The following SEMA4B variants were observed in gnomAD, a reference collection of about 807,000 sequenced individuals.
SEMA4B encodes semaphorin-4B.
A neutral mutation model predicts 88.1 loss-of-function variants in SEMA4B; 55 were observed. The ratio of observed to expected loss-of-function variants is 0.62; its 90% CI spans 0.50 to 0.78. The LOEUF (loss-of-function observed/expected upper bound fraction) is 0.78, where lower values mean the gene tolerates loss of function less well. Ranked by LOEUF, SEMA4B falls within the 30% of genes least tolerant of loss-of-function variation. SEMA4B has a pLI of 0.00. For synonymous variants in SEMA4B, 525 were observed against 473.6 expected (o/e 1.11, Z -1.41); for missense variants, 1,062 against 1,111.9 (o/e 0.96, Z 0.64).
chr15:90,192,771 A>G (rs548169850), intron 1 of SEMA4B, among the ~76,000 whole-genome samples: 39 of 151,970 alleles, frequency 2.6e-4, no homozygotes, highest in Admixed American at 8.5e-4. Flanking sequence ...TTGTACTTTT[A>G]GTAGAGATGG....
At chr15:90,218,035 G>A (rs570182711) in intron 3 of SEMA4B, 2 of 529,834 alleles carry the variant, frequency 3.8e-6, no homozygotes, top group East Asian at 6.6e-5. Context: ...ACCTGTCTAA[G>A]CCTTAGTGGG....
intron 4 of SEMA4B, among the ~76,000 whole-genome samples, chr15:90,220,708 G>C (rs2151618975): frequency 6.7e-6 from 1 of 148,714 alleles, no homozygotes; most frequent in Middle Eastern, 3.4e-3. Flanking sequence ...CCTCCGCCAG[G>C]TGGGTCTGAT....
At chr15:90,214,328 CA>C (rs11289702) in intron 1 of SEMA4B, among the ~76,000 whole-genome samples, 41,051 of 89,100 alleles carry the variant, frequency 0.46, 8,197 homozygotes, top group African/African-American at 0.66. Context: ...AACTCCGTCT[CA>C]AAAAAAAAAA....
At chr15:90,201,005 C>T (rs528126576), upstream of SEMA4B, among the ~76,000 whole-genome samples, 6 of 152,326 alleles carry the variant, frequency 3.9e-5, no homozygotes, top group Admixed American at 1.3e-4. Context: ...ACCATCCGCC[C>T]CCTAACTCCC....
intron 1 of SEMA4B, among the ~76,000 whole-genome samples, chr15:90,196,075 A>G (rs907358319): frequency 1.3e-5 from 2 of 148,388 alleles, no homozygotes; most frequent in African/African-American, 5.0e-5. Flanking sequence ...GCCCGCCACC[A>G]TGCCTGGCTA....
At chr15:90,191,051 C>T (rs1232707375) in intron 1 of SEMA4B, among the ~76,000 whole-genome samples, 1 of 152,224 alleles carries the variant, frequency 6.6e-6, no homozygotes, top group African/African-American at 2.4e-5. Context: ...CTCCTGAACT[C>T]ATATTGGGGG....
At chr15:90,205,939 G>A (rs1402149090) in intron 1 of SEMA4B, among the ~76,000 whole-genome samples, 2 of 152,150 alleles carry the variant, frequency 1.3e-5, no homozygotes, top group Non-Finnish European at 2.9e-5. Flanking sequence ...CATGGGGCTG[G>A]ACCATGCCTC....
At position 90,228,035 on chromosome 15, in the gene SEMA4B, C is replaced by T. The variant is rs1962270320; in HGVS notation, c.1906C>T (p.His636Tyr). Reference sequence around the variant, plus strand: ...CCCCGTCAATGCCTCGGCCTCCTGCCACGTGCTACCCACTGGGGACCTGCT... The same window carrying T: ...CCCCGTCAATGCCTCGGCCTCCTGCTACGTGCTACCCACTGGGGACCTGCT... The part of the protein sequence containing the change: ...GAPVNASASC[H>Y]VLPTGDLLLV... Residue 636 changes from histidine to tyrosine, a missense_variant, in exon 14 of 14, where the codon CAC (histidine) becomes TAC (tyrosine). By Grantham distance (83) the His-to-Tyr change is moderately conservative. Coordinates refer to ENST00000411539, the MANE Select transcript of SEMA4B (RefSeq NM_198925.4). 4.3e-6 allele frequency: 7 copies of T among 1,613,902 alleles called. No homozygotes were observed. Among genetic ancestry groups the T allele is most frequent in the Non-Finnish European group, 5.9e-6 (7 of 1,179,880 alleles).
intron 13 of SEMA4B, 130 bp from the exon 14 acceptor site, chr15:90,227,774 A>G: frequency 2.0e-6 from 3 of 1,467,368 alleles, no homozygotes; most frequent in Non-Finnish European, 2.8e-6. Context: ...GGTCCCCAGG[A>G]AGACTCAGTC....
rs1404341462 is a variant in SEMA4B, at chr15:90,201,349, C to T, written c.-230C>T. On this transcript the variant is annotated 5_prime_UTR_variant, in exon 1 of 14. Transcript: ENST00000411539. ...TCCGCCGCTTGCGGGTGAGCTCTGC[C>T]CAAGCCGAGGCTGCGGGGCCGGCGC... The T allele has an allele frequency of 4.0e-6, 5 of 1,237,728 alleles. No individual in the cohort carries two copies. Among genetic ancestry groups the T allele is most frequent in the Admixed American group, 4.4e-5 (1 of 22,660 alleles). 76.7% of individuals were successfully genotyped at this position (1,237,728 alleles called of 1,614,324 possible). A position where few individuals can be genotyped will look rare whatever the true frequency, so the allele number is the denominator to read the frequency against.
rs541785840 is a variant in SEMA4B at position 90,221,303 on chromosome 15, G to T, written c.596-64G>T. The T allele has an allele frequency of 1.7e-5, 24 of 1,385,484 alleles. No homozygotes were observed. In the South Asian group the frequency reaches 2.5e-4, roughly 14 times the overall value. The allele number at this position is 1,385,484 out of a possible 1,614,324, so 85.8% of individuals were successfully genotyped here. A position where few individuals can be genotyped will look rare whatever the true frequency, so the allele number is the denominator to read the frequency against. Reference sequence around the variant, plus strand: ...ACGGGCAGTGCTGGGGTCACTCTGGGCCCTGAGCAGGGAGAAGGGGCCGTG... The same window carrying T: ...ACGGGCAGTGCTGGGGTCACTCTGGTCCCTGAGCAGGGAGAAGGGGCCGTG... On this transcript the variant is annotated intron_variant, in intron 5 of 13. Transcript: ENST00000411539.
rs765072685 is a variant in SEMA4B, at chr15:90,225,866, C to G, written c.1688+39C>G. On this transcript the variant is annotated intron_variant, in intron 12 of 13. Coordinates refer to ENST00000411539, the MANE Select transcript of SEMA4B (RefSeq NM_198925.4). The stretch of plus-strand genomic sequence containing the variant: ...AAGGCCCCTTCCCATCTGTCCAGCC[C>G]TGCACAGGTGACCTCGGAGCACCAT... 9 of 1,443,842 alleles carry G rather than the reference C, an allele frequency of 6.2e-6. No homozygotes were observed. The South Asian group carries it at 1.3e-4, about 21-fold the overall frequency. The allele number at this position is 1,443,842 out of a possible 1,614,324, so 89.4% of individuals were successfully genotyped here. A position where few individuals can be genotyped will look rare whatever the true frequency, so the allele number is the denominator to read the frequency against.
At chr15:90,214,615 A>G (rs1961439343) in intron 1 of SEMA4B, among the ~76,000 whole-genome samples, 1 of 144,454 alleles carries the variant, frequency 6.9e-6, no homozygotes, top group African/African-American at 2.6e-5. Context: ...CCTGGGCAAC[A>G]ACAGCAAAAC....
intron 1 of SEMA4B, among the ~76,000 whole-genome samples, chr15:90,204,522 G>T (rs1245916239): frequency 2.0e-5 from 3 of 152,168 alleles, no homozygotes; most frequent in Non-Finnish European, 4.4e-5. Flanking sequence ...CAGCCACTGG[G>T]GGCTCCACAG....
At chr15:90,227,531 A>T (rs1400918745) in intron 12 of SEMA4B, 26 bp from the exon 13 acceptor site, 1 of 1,611,766 alleles carries the variant, frequency 6.2e-7, no homozygotes, top group South Asian at 1.1e-5. Context: ...TTCCTGGCCA[A>T]TCCCAGAATT....
chr15:90,222,954 G>GTTTATATA (rs1555423712), intron 7 of SEMA4B, among the ~76,000 whole-genome samples: 1 of 130,550 alleles, frequency 7.7e-6, no homozygotes. Flanking sequence ...GTAACTCTGT[G>GTTTATATA]TATATATATA....
At chr15:90,226,482 A>G (rs1458287607) in intron 12 of SEMA4B, among the ~76,000 whole-genome samples, 2 of 152,152 alleles carry the variant, frequency 1.3e-5, no homozygotes, top group East Asian at 1.9e-4. Context: ...CAGGGATTAC[A>G]GGTGCCCGCC....
Position 90,225,784 on chromosome 15 carries a change from A to G in SEMA4B, c.1645A>G (p.Ser549Gly). The G allele has an allele frequency of 6.4e-7, 1 of 1,562,408 alleles. No individual in the cohort carries two copies. Among genetic ancestry groups the G allele is most frequent in the Non-Finnish European group, 8.7e-7 (1 of 1,154,878 alleles). Residue 549 changes from serine to glycine, a missense_variant, in exon 12 of 14, where the codon AGC becomes GGC. Coordinates refer to ENST00000411539, the MANE Select transcript of SEMA4B (RefSeq NM_198925.4). ...CCCCTACTGTGCTTGGAGCGGCTCC[A>G]GCTGCAAGCACGTCAGCCTCTACCA... ...RDPYCAWSGS[S>G]CKHVSLYQPQ...
At chr15:90,201,794 C>T in intron 1 of SEMA4B, 59 bp downstream of exon 1, 2 of 1,364,730 alleles carry the variant, frequency 1.5e-6, no homozygotes, top group Non-Finnish European at 1.9e-6. Flanking sequence ...GGGGACGTGC[C>T]TCGTGCGGAG....
Sources: gnomAD v4.1 joint callset for allele counts (sites outside exome capture counted in the v4.1 genomes callset) on GRCh38, gnomAD v4.1.1 for gene constraint, MANE v1.5 for transcripts, NCBI Gene and HGNC (gene_info 2026-07-23, HGNC 2026-07-21) for gene names.